ANK2: variants seen among roughly 807,000 people sequenced by gnomAD.
The protein encoded by ANK2 is ankyrin-2.
A neutral mutation model predicts 360.5 loss-of-function variants in ANK2; 83 were observed. The ratio of observed to expected loss-of-function variants is 0.23; its 90% CI spans 0.19 to 0.28. ANK2 has a LOEUF of 0.28. Ranked by LOEUF, ANK2 falls within the 10% of genes least tolerant of loss-of-function variation. The pLI is 1.00. For missense variants in ANK2, 4,201 were observed against 4,795.7 expected (o/e 0.88, Z 3.66); for synonymous variants, 1,740 against 1,759.5 (o/e 0.99, Z 0.28).
chr4:113,295,634 C>G (rs2070874651), intron 22 of ANK2, among the ~76,000 whole-genome samples: 1 of 152,046 alleles, frequency 6.6e-6, no homozygotes, highest in Non-Finnish European at 1.5e-5. Context: ...ATTGCTCCAT[C>G]AAAAGTCGCT....
chr4:113,228,952 G>A (rs896086970), intron 4 of ANK2, among the ~76,000 whole-genome samples: 1 of 152,160 alleles, frequency 6.6e-6, no homozygotes, highest in Non-Finnish European at 1.5e-5. Context: ...ACTGTGATGA[G>A]GGCAATGCCA....
At chr4:113,160,593 T>C (rs1035662391) in intron 1 of ANK2, among the ~76,000 whole-genome samples, 3 of 152,118 alleles carry the variant, frequency 2.0e-5, no homozygotes, top group African/African-American at 7.3e-5. Context: ...ACATCTTCCC[T>C]TATATTGTTT....
At chr4:113,176,785 C>T (rs1228762660) in intron 2 of ANK2, among the ~76,000 whole-genome samples, 1 of 152,104 alleles carries the variant, frequency 6.6e-6, no homozygotes, top group Admixed American at 6.5e-5. Flanking sequence ...GCTCCTCCCC[C>T]CACCCCACAA....
the ANK2 span, chr4:112,788,544 G>A: frequency 2.0e-5 from 31 of 1,581,954 alleles, 1 homozygote; most frequent in South Asian, 3.3e-4. Context: ...TGGGCCAACA[G>A]CCTTCTTCTC....
intron 11 of ANK2, among the ~76,000 whole-genome samples, chr4:113,256,723 TCAAA>T (rs914624104): frequency 2.6e-5 from 4 of 152,222 alleles, no homozygotes; most frequent in East Asian, 1.9e-4. Context: ...AAATTGGTCT[TCAAA>T]CAATCAGTAT....
chr4:113,001,027 T>TTC (rs3029971), intron 2 of ANK2, among the ~76,000 whole-genome samples: 118,011 of 151,822 alleles, frequency 0.78, 45,988 homozygotes, highest in South Asian at 0.87. Flanking sequence ...GTCACTTCCT[T>TTC]TCTTTTTCCT....
chr4:113,153,936 A>C (rs116495836), intron 1 of ANK2, among the ~76,000 whole-genome samples: 5,279 of 152,330 alleles, frequency 0.035, 170 homozygotes, highest in Non-Finnish European at 0.053. Context: ...GTGTTGCAAG[A>C]GGCTGACTTT....
chr4:112,962,163 C>G (rs141907399), intron 2 of ANK2, among the ~76,000 whole-genome samples: 1,529 of 152,160 alleles, frequency 0.01, 25 homozygotes, highest in African/African-American at 0.035. Context: ...GAGGATAGTA[C>G]TCAATTGGTT....
intron 2 of ANK2, among the ~76,000 whole-genome samples, chr4:113,191,202 G>A (rs1584440833): frequency 6.6e-6 from 1 of 152,136 alleles, no homozygotes; most frequent in Non-Finnish European, 1.5e-5. Context: ...AATTAGCCAG[G>A]TGTGGTGGCA....
At chr4:113,240,788 C>T (rs1482759912) in intron 8 of ANK2, among the ~76,000 whole-genome samples, 3 of 152,044 alleles carry the variant, frequency 2.0e-5, no homozygotes, top group Non-Finnish European at 2.9e-5. Flanking sequence ...GTTGTAAACT[C>T]ATGCAAAAAT....
chr4:113,176,718 G>A (rs948088242), intron 2 of ANK2, among the ~76,000 whole-genome samples: 1 of 151,942 alleles, frequency 6.6e-6, no homozygotes, highest in Non-Finnish European at 1.5e-5. Context: ...CCATGTTGGT[G>A]TGCTGCACCC....
intron 2 of ANK2, among the ~76,000 whole-genome samples, chr4:112,999,832 T>C (rs1481836604): frequency 6.6e-6 from 1 of 152,170 alleles, no homozygotes; most frequent in African/African-American, 2.4e-5. Context: ...AGGTGATATA[T>C]AGAATGTCTT....
the ANK2 span, among the ~76,000 whole-genome samples, chr4:112,726,041 C>G: frequency 6.6e-6 from 1 of 152,158 alleles, no homozygotes; most frequent in African/African-American, 2.4e-5. Context: ...TCAGAGAACA[C>G]TTCCCTGATA....
chr4:112,733,060 C>CA, the ANK2 span, among the ~76,000 whole-genome samples: 25 of 151,912 alleles, frequency 1.6e-4, no homozygotes, highest in Admixed American at 1.6e-3. Flanking sequence ...ACTAAAAATA[C>CA]AAAAAAATTA....
intron 45 of ANK2, 180 bp downstream of exon 45, chr4:113,373,629 T>C: frequency 1.3e-6 from 1 of 783,126 alleles, no homozygotes. Flanking sequence ...AAGACAGCCA[T>C]CAGGGAGACT....
At chr4:113,281,007 A>G (rs1216385325) in intron 17 of ANK2, among the ~76,000 whole-genome samples, 2 of 152,132 alleles carry the variant, frequency 1.3e-5, no homozygotes, top group Non-Finnish European at 2.9e-5. Context: ...GGGACCTCTG[A>G]TCAGACCCTG....
At chr4:112,756,484 A>G in the ANK2 span, among the ~76,000 whole-genome samples, 1 of 152,310 alleles carries the variant, frequency 6.6e-6, no homozygotes, top group East Asian at 1.9e-4. Flanking sequence ...TAGTGGTGGG[A>G]TTGTGTCTTT....
chr4:112,945,982 A>T (rs556794112), intron 2 of ANK2, among the ~76,000 whole-genome samples: 2 of 152,304 alleles, frequency 1.3e-5, no homozygotes, highest in Admixed American at 6.5e-5. Context: ...GGAGAGAGTT[A>T]GTGTAGCTGA....
At chr4:112,810,268 C>T in the ANK2 span, among the ~76,000 whole-genome samples, 1 of 149,210 alleles carries the variant, frequency 6.7e-6, no homozygotes, top group Non-Finnish European at 1.5e-5. Context: ...TCCCAAAGTG[C>T]TAGGATTATA....
Sources: allele counts gnomAD v4.1 joint callset (sites outside exome capture counted in the v4.1 genomes callset), GRCh38; gene constraint gnomAD v4.1.1; transcripts MANE v1.5; gene names NCBI Gene and HGNC (gene_info 2026-07-23, HGNC 2026-07-21).